The following RTN4RL1 variants were observed in gnomAD, a reference collection of about 807,000 sequenced individuals.
The protein encoded by RTN4RL1 is reticulon 4 receptor like 1, also known as reticulon-4 receptor-like 1.
Under a neutral mutation model 25.6 loss-of-function variants are expected in RTN4RL1, and 7 were observed. The ratio of observed to expected loss-of-function variants is 0.27; its 90% confidence interval spans 0.16 to 0.51. The LOEUF is 0.51. Ranked by LOEUF, RTN4RL1 falls within the 20% of genes least tolerant of loss-of-function variation. The probability of loss-of-function intolerance (pLI) is 0.97; values close to 1 mark genes in which losing one functional copy is unlikely to be tolerated. For missense variants in RTN4RL1, 500 were observed against 615.6 expected, an observed-to-expected ratio of 0.81 and a Z score of 1.99; for synonymous variants, 297 against 288.2, an observed-to-expected ratio of 1.03 and a Z score of -0.31.
chr17:1,961,809 G>A (rs551649462), intron 1 of RTN4RL1, among the ~76,000 whole-genome samples: 96 of 131,902 alleles, frequency 7.3e-4, no homozygotes, highest in African/African-American at 2.6e-3. Flanking sequence ...TTAGCAGGGC[G>A]TGGTGGCATG....
At chr17:2,003,841 C>T (rs911769060) in intron 1 of RTN4RL1, among the ~76,000 whole-genome samples, 2 of 152,074 alleles carry the variant, frequency 1.3e-5, no homozygotes, top group Non-Finnish European at 2.9e-5. Context: ...GAGTCTGAGG[C>T]GGGCAGATCA....
chr17:2,019,563 C>T (rs924750824), intron 1 of RTN4RL1: 2 of 152,336 alleles, frequency 1.3e-5, no homozygotes, highest in Non-Finnish European at 2.9e-5. Context: ...GGGGCAAACA[C>T]CTACCCCTTC....
intron 1 of RTN4RL1, among the ~76,000 whole-genome samples, chr17:1,952,626 A>T (rs368807347): frequency 1.3e-5 from 2 of 150,454 alleles, no homozygotes; most frequent in African/African-American, 2.4e-5. Flanking sequence ...TACAGGCGTG[A>T]GCCACCACAC....
At chr17:1,965,115 T>TTTC (rs111278038) in intron 1 of RTN4RL1, among the ~76,000 whole-genome samples, 2 of 84,676 alleles carry the variant, frequency 2.4e-5, no homozygotes, top group African/African-American at 3.8e-5. Flanking sequence ...TCTTTCTTTC[T>TTTC]TTTTTTTTTT....
chr17:1,939,899 T>C (rs1915406467), intron 1 of RTN4RL1, among the ~76,000 whole-genome samples: 1 of 152,188 alleles, frequency 6.6e-6, no homozygotes, highest in Non-Finnish European at 1.5e-5. Flanking sequence ...CCTTTGCTTC[T>C]AGCTTTCCAG....
intron 1 of RTN4RL1, among the ~76,000 whole-genome samples, chr17:2,008,884 A>G (rs1310251416): frequency 1.3e-5 from 2 of 151,832 alleles, no homozygotes; most frequent in African/African-American, 4.8e-5. Flanking sequence ...CTTATCACCT[A>G]CACCATCCTT....
At chr17:2,015,698 G>A (rs1277032802) in intron 1 of RTN4RL1, among the ~76,000 whole-genome samples, 1 of 152,210 alleles carries the variant, frequency 6.6e-6, no homozygotes, top group Non-Finnish European at 1.5e-5. Flanking sequence ...AGCAGGGTCT[G>A]GCTTGAGGAG....
At chr17:2,001,935 G>GGGGGGGGAGT (rs1422880926) in intron 1 of RTN4RL1, among the ~76,000 whole-genome samples, 1 of 151,938 alleles carries the variant, frequency 6.6e-6, no homozygotes, top group Admixed American at 6.5e-5. Flanking sequence ...CCTGGGGGAG[G>GGGGGGGGAGT]GGAGGGGAGG....
chr17:2,006,326 T>C (rs2151324454), intron 1 of RTN4RL1, among the ~76,000 whole-genome samples: 1 of 152,112 alleles, frequency 6.6e-6, no homozygotes, highest in Non-Finnish European at 1.5e-5. Flanking sequence ...CCCAGCTAAT[T>C]TTTTTGTATT....
At chr17:1,941,947 C>A (rs985608140) in intron 1 of RTN4RL1, among the ~76,000 whole-genome samples, 1 of 152,184 alleles carries the variant, frequency 6.6e-6, no homozygotes, top group Non-Finnish European at 1.5e-5. Context: ...AGCCCCGACC[C>A]GCTGATTGCC....
chr17:1,990,552 A>G (rs978998797), intron 1 of RTN4RL1, among the ~76,000 whole-genome samples: 1 of 151,820 alleles, frequency 6.6e-6, no homozygotes. Context: ...CATAAAAAAT[A>G]TTAGCCAGAT....
At chr17:1,968,977 A>G (rs901382821) in intron 1 of RTN4RL1, among the ~76,000 whole-genome samples, 1 of 151,030 alleles carries the variant, frequency 6.6e-6, no homozygotes, top group Non-Finnish European at 1.5e-5. Flanking sequence ...CAGGAAACCA[A>G]CCCATGATCT....
chr17:1,965,756 C>G (rs1313014623), intron 1 of RTN4RL1, among the ~76,000 whole-genome samples: 1 of 152,174 alleles, frequency 6.6e-6, no homozygotes, highest in Non-Finnish European at 1.5e-5. Context: ...CTGCCCTCAG[C>G]GCTGACCGAC....
At chr17:1,965,971 T>C (rs1030997445) in intron 1 of RTN4RL1, among the ~76,000 whole-genome samples, 2 of 152,116 alleles carry the variant, frequency 1.3e-5, no homozygotes, top group Non-Finnish European at 2.9e-5. Flanking sequence ...CTAAAGCTCC[T>C]GCTTCCAGCT....
intron 1 of RTN4RL1, among the ~76,000 whole-genome samples, chr17:1,965,691 G>A (rs1334768467): frequency 6.6e-6 from 1 of 152,076 alleles, no homozygotes; most frequent in Non-Finnish European, 1.5e-5. Flanking sequence ...AGGTGGTCTG[G>A]GGCCTCTCCC....
intron 1 of RTN4RL1, among the ~76,000 whole-genome samples, chr17:2,021,876 TTA>T (rs2067210916): frequency 2.1e-5 from 3 of 140,384 alleles, no homozygotes; most frequent in South Asian, 2.5e-4. Flanking sequence ...TTTTTTTTTT[TTA>T]AATAGGGTCT....
intron 1 of RTN4RL1, among the ~76,000 whole-genome samples, chr17:1,973,939 T>C (rs1273405849): frequency 1.4e-5 from 2 of 147,688 alleles, no homozygotes; most frequent in East Asian, 4.0e-4. Flanking sequence ...CCGGGGAGGC[T>C]GAGGCAGGAG....
chr17:1,988,220 C>T (rs940684273), intron 1 of RTN4RL1, among the ~76,000 whole-genome samples: 2 of 151,670 alleles, frequency 1.3e-5, no homozygotes, highest in African/African-American at 4.8e-5. Context: ...AGATCGAGAC[C>T]ATCCTGGCCA....
At chr17:1,961,138 T>C (rs1318315945) in intron 1 of RTN4RL1, among the ~76,000 whole-genome samples, 1 of 152,070 alleles carries the variant, frequency 6.6e-6, no homozygotes, top group Non-Finnish European at 1.5e-5. Flanking sequence ...TATTTGTGGA[T>C]TGAATGAGCC....
Sources: allele counts gnomAD v4.1 joint callset (sites outside exome capture counted in the v4.1 genomes callset), GRCh38; gene constraint gnomAD v4.1.1; transcripts MANE v1.5; gene names NCBI Gene and HGNC (gene_info 2026-07-23, HGNC 2026-07-21).